Variants in SH3RF3 observed in about 807,000 individuals in gnomAD.
SH3RF3 encodes the protein SH3 domain containing ring finger 3.
SH3RF3 carries 29 observed loss-of-function variants against 66.3 expected under a neutral mutation model. The observed-to-expected ratio is 0.44, with a 90% CI of 0.33 to 0.60. The LOEUF (loss-of-function observed/expected upper bound fraction) is 0.60, where lower values mean the gene tolerates loss of function less well. SH3RF3 is among the 20% of genes least tolerant of loss of function. The pLI is 0.04. For synonymous variants in SH3RF3, 583 were observed against 532.0 expected (o/e 1.10, Z -1.32); for missense variants, 1,194 against 1,190.9 (o/e 1.00, Z -0.04).
At position 109,449,474 on chromosome 2, in the gene SH3RF3, G is replaced by C; in HGVS notation, c.2133G>C (p.Glu711Asp). ...SPTNTGCKLD[E>D]KKSEKKEKKS... is the part of the protein sequence containing the mutation. ...CCAACACGGGATGCAAACTAGACGA[G>C]AAGAAAAGTGAAAAGGTAAGAGGCC... The change falls in exon 8 of 10, where the codon GAG becomes GAC. Residue 711 changes from glutamate to aspartate, a missense_variant. Glu to Asp is a conservative substitution (Grantham distance 45). Transcript: ENST00000309415. The C allele has an allele frequency of 1.9e-6, 3 of 1,613,950 alleles. No individual in the cohort carries two copies. Among genetic ancestry groups the C allele is most frequent in the Non-Finnish European group, 2.5e-6 (3 of 1,179,862 alleles).
At chr2:109,301,450 G>T (rs1238177901) in intron 1 of SH3RF3, among the ~76,000 whole-genome samples, 1 of 152,096 alleles carries the variant, frequency 6.6e-6, no homozygotes, top group Non-Finnish European at 1.5e-5. Flanking sequence ...GGGGATTGCT[G>T]GCCCCTTCGC....
chr2:109,448,234 G>GT (rs537067290), intron 7 of SH3RF3, among the ~76,000 whole-genome samples: 69 of 152,296 alleles, frequency 4.5e-4, no homozygotes, highest in African/African-American at 1.6e-3. Context: ...CAGGCTTTAT[G>GT]TTTATGAGCA....
intron 3 of SH3RF3, among the ~76,000 whole-genome samples, chr2:109,390,890 G>A (rs1387526507): frequency 6.6e-6 from 1 of 152,156 alleles, no homozygotes; most frequent in Admixed American, 6.5e-5. Context: ...TTCTCTAGAG[G>A]GTCCCGGCAT....
intron 1 of SH3RF3, among the ~76,000 whole-genome samples, chr2:109,162,419 T>C (rs934696127): frequency 1.3e-5 from 2 of 152,008 alleles, no homozygotes; most frequent in African/African-American, 4.8e-5. Context: ...TTATTTTTAA[T>C]TTTTTTTATT....
chr2:109,280,874 A>G (rs921555138), intron 1 of SH3RF3, among the ~76,000 whole-genome samples: 20 of 152,202 alleles, frequency 1.3e-4, no homozygotes, highest in Non-Finnish European at 1.9e-4. Context: ...ACCGTGTCTA[A>G]TAAGCCTGCA....
chr2:109,303,586 C>T (rs989793350), intron 1 of SH3RF3, among the ~76,000 whole-genome samples: 6 of 152,154 alleles, frequency 3.9e-5, no homozygotes, highest in South Asian at 2.1e-4. Context: ...GCCCAAGGGA[C>T]GGGAGAGGGC....
intron 1 of SH3RF3, among the ~76,000 whole-genome samples, chr2:109,140,217 T>C (rs1676915351): frequency 6.6e-6 from 1 of 152,218 alleles, no homozygotes; most frequent in Non-Finnish European, 1.5e-5. Context: ...TGCACGTGGT[T>C]GCATGTGGTT....
chr2:109,243,863 A>G (rs1329695839), intron 1 of SH3RF3, among the ~76,000 whole-genome samples: 1 of 152,152 alleles, frequency 6.6e-6, no homozygotes, highest in African/African-American at 2.4e-5. Flanking sequence ...TTGCTTTAGA[A>G]AGATCTTGAG....
intron 8 of SH3RF3, among the ~76,000 whole-genome samples, chr2:109,470,506 A>G (rs1272672566): frequency 6.6e-6 from 1 of 152,112 alleles, no homozygotes; most frequent in African/African-American, 2.4e-5. Context: ...TTTTTCATCT[A>G]TTGACTTAAC....
At chr2:109,317,269 T>C (rs1238964257) in intron 1 of SH3RF3, among the ~76,000 whole-genome samples, 2 of 152,122 alleles carry the variant, frequency 1.3e-5, no homozygotes, top group Non-Finnish European at 1.5e-5. Context: ...TGTGCACAGA[T>C]AGCGTCAAGT....
chr2:109,452,818 T>TGGGAGGCTGGTGCTGGGAGGCTGGTCCC, intron 8 of SH3RF3, among the ~76,000 whole-genome samples: 1 of 136,928 alleles, frequency 7.3e-6, no homozygotes, highest in South Asian at 2.4e-4. Flanking sequence ...AGGCTGGTTC[T>TGGGAGGCTGGTGCTGGGAGGCTGGTCCC]GGGAGGCTGG....
chr2:109,327,690 A>G (rs1026131507), intron 1 of SH3RF3, among the ~76,000 whole-genome samples: 1 of 152,230 alleles, frequency 6.6e-6, no homozygotes, highest in South Asian at 2.1e-4. Context: ...GGAAATGTAC[A>G]TGTTTGGTTA....
intron 2 of SH3RF3, among the ~76,000 whole-genome samples, chr2:109,361,615 A>T (rs1365771013): frequency 1.3e-5 from 2 of 152,158 alleles, no homozygotes; most frequent in African/African-American, 2.4e-5. Flanking sequence ...CTGGGACTAC[A>T]GGCATACGCC....
At chr2:109,372,636 G>A (rs1040384783) in intron 3 of SH3RF3, among the ~76,000 whole-genome samples, 8 of 152,202 alleles carry the variant, frequency 5.3e-5, no homozygotes, top group African/African-American at 7.2e-5. Context: ...TCCCACAGCC[G>A]AGGAGTGGCA....
At chr2:109,499,331 G>A (rs1679332226) in intron 9 of SH3RF3, among the ~76,000 whole-genome samples, 1 of 152,232 alleles carries the variant, frequency 6.6e-6, no homozygotes, top group Admixed American at 6.5e-5. Context: ...GTGTCTGAGG[G>A]ACCGTCAGCC....
At position 109,480,388 on chromosome 2, in the gene SH3RF3, G is replaced by A. The variant is rs537735705; in HGVS notation, c.2149-10217G>A. ...AGACATAAGGCATTTGTTCAAGGGT[G>A]CATGGCTGGTGAGTAGTGAAGCCAG... On this transcript the variant is annotated intron_variant, in intron 8 of 9. Transcript: ENST00000309415. 4.6e-5 allele frequency among the ~76,000 whole-genome samples: 7 copies of A among 152,312 alleles called. No homozygotes were observed. The South Asian group carries it at 1.5e-3, about 32-fold the overall frequency.
chr2:109,499,329 G>A (rs1026851438), intron 9 of SH3RF3, among the ~76,000 whole-genome samples: 11 of 152,350 alleles, frequency 7.2e-5, no homozygotes, highest in African/African-American at 1.9e-4. Context: ...GGGTGTCTGA[G>A]GGACCGTCAG....
chr2:109,493,242 C>G (rs933365452), intron 9 of SH3RF3, among the ~76,000 whole-genome samples: 1 of 151,678 alleles, frequency 6.6e-6, no homozygotes, highest in Non-Finnish European at 1.5e-5. Flanking sequence ...CATATACACA[C>G]GCACCACACA....
intron 1 of SH3RF3, among the ~76,000 whole-genome samples, chr2:109,324,675 C>T (rs776380415): frequency 2.0e-5 from 3 of 152,204 alleles, no homozygotes; most frequent in Non-Finnish European, 2.9e-5. Flanking sequence ...ACTCCTTTCT[C>T]CTGGATCCCA....
Sources: allele counts gnomAD v4.1 joint callset (sites outside exome capture counted in the v4.1 genomes callset), GRCh38; gene constraint gnomAD v4.1.1; transcripts MANE v1.5; gene names NCBI Gene and HGNC (gene_info 2026-07-23, HGNC 2026-07-21).